Variants in SLC25A1 observed in about 807,000 individuals in gnomAD.
SLC25A1 encodes solute carrier family 25 member 1.
SLC25A1 carries 26 observed loss-of-function variants against 38.1 expected under a neutral mutation model. The observed-to-expected ratio is 0.68, with a 90% CI of 0.50 to 0.95. The LOEUF is 0.95. Ranked by LOEUF, SLC25A1 falls within the 40% of genes least tolerant of loss-of-function variation. The probability of loss-of-function intolerance (pLI) is 0.00; values close to 1 mark genes in which losing one functional copy is unlikely to be tolerated. For missense variants in SLC25A1, 378 were observed against 426.6 expected, an observed-to-expected ratio of 0.89 and a Z score of 1.00; for synonymous variants, 211 against 183.2, an observed-to-expected ratio of 1.15 and a Z score of -1.23.
rs2083991126 is a variant in SLC25A1, at chr22:19,177,881, G to A, written c.303-16C>T. ...CATTCCAAACCTGGAGGCGGGAGGCGGGTGAGAGGGGCTGCCGCGGCCGAG... is the reference window on the plus strand; with the variant it reads ...CATTCCAAACCTGGAGGCGGGAGGCAGGTGAGAGGGGCTGCCGCGGCCGAG... On this transcript the variant is annotated splice_polypyrimidine_tract_variant and intron_variant, in intron 3 of 8. Coordinates refer to ENST00000215882, the MANE Select transcript of SLC25A1 (RefSeq NM_005984.5). 3.8e-6 allele frequency: 6 copies of A among 1,593,030 alleles called. No individual in the cohort carries two copies. Among genetic ancestry groups the A allele is most frequent in the Non-Finnish European group, 5.1e-6 (6 of 1,171,136 alleles).
intron 8 of SLC25A1, 82 bp downstream of exon 8, chr22:19,176,339 C>A: frequency 6.4e-7 from 1 of 1,565,658 alleles, no homozygotes; most frequent in South Asian, 1.1e-5. Context: ...GCACAGAGGC[C>A]TGAAGGGGAC....
In SLC25A1 at chr22:19,176,093, C is replaced by T. The variant is rs45545531; in HGVS notation, c.*37G>A. 2.0e-5 allele frequency: 30 copies of T among 1,534,610 alleles called. No homozygotes were observed. Among genetic ancestry groups the T allele is most frequent in the African/African-American group, 4.1e-5 (3 of 73,460 alleles). ...AGACAAAGGTAGCAGGACACTCTGG[C>T]GGTGCCTGGGGCGGTCCCCTTGCGG... On this transcript the variant is annotated 3_prime_UTR_variant, in exon 9 of 9. Coordinates refer to ENST00000215882, the MANE Select transcript of SLC25A1 (RefSeq NM_005984.5).
rs2083951951 is a variant in SLC25A1 at position 19,175,917 on chromosome 22, A to G, written c.*213T>C. 1.3e-5 allele frequency: 2 copies of G among 150,088 alleles called. No homozygotes were observed. The highest frequency in any genetic ancestry group is 9.2e-5 in the South Asian group (1 of 10,892). 9.3% of individuals were successfully genotyped at this position (150,088 alleles called of 1,614,324 possible). ...TCATAGGCCAGATGCACATCCAGCC[A>G]TGGCTGGGCCAGACACTGGGACACA... On this transcript the variant is annotated 3_prime_UTR_variant, in exon 9 of 9. Transcript: ENST00000215882.
intron 4 of SLC25A1, 59 bp from the exon 5 acceptor site, chr22:19,177,263 G>A (rs2083975675): frequency 3.5e-6 from 5 of 1,428,326 alleles, no homozygotes; most frequent in Non-Finnish European, 4.9e-6. Context: ...GTCCTGGCTA[G>A]CTGGCAGGCC....
Position 19,176,259 on chromosome 22 carries a change from G to T in SLC25A1, c.822-15C>A, listed in dbSNP as rs375598499. The T allele has an allele frequency of 1.2e-6, 2 of 1,601,790 alleles. No homozygotes were observed. Among genetic ancestry groups the T allele is most frequent in the Admixed American group, 1.7e-5 (1 of 60,010 alleles). ...CCTTGTAGAATCTGGGTGGGAGGAG[G>T]GGCGGGGAGAGGAAGGCAGGTCAGC... On this transcript the variant is annotated splice_polypyrimidine_tract_variant and intron_variant, in intron 8 of 8. Coordinates refer to ENST00000215882, the MANE Select transcript of SLC25A1 (RefSeq NM_005984.5).
In SLC25A1 at chr22:19,177,196, G is replaced by A; in HGVS notation, c.450C>T (p.Phe150=). 6.2e-7 allele frequency: 1 copy of A among 1,613,848 alleles called. No homozygotes were observed. The highest frequency in any genetic ancestry group is 1.1e-5 in the South Asian group (1 of 91,078). Residue 150 remains phenylalanine (F), a synonymous_variant, in exon 5 of 9, where the codon TTC becomes TTT. Transcript: ENST00000215882. ...GGTTTGGGGAGGTCTGGTCGTGGAT[G>A]AACTTCACCTGAGAGAGAGAAGCAA... The part of the protein sequence containing the change: ...VCPMETIKVK[F]IHDQTSPNPK...
At position 19,176,207 on chromosome 22, in the gene SLC25A1, A is replaced by G; in HGVS notation, c.859T>C (p.Cys287Arg). 1 of 1,613,602 alleles carries G rather than the reference A, an allele frequency of 6.2e-7. No homozygotes were observed. Among genetic ancestry groups the G allele is most frequent in the Non-Finnish European group, 8.5e-7 (1 of 1,180,004 alleles). The change falls in exon 9 of 9, where the codon TGC (cysteine) becomes CGC (arginine). Residue 287 changes from cysteine (C) to arginine (R), a missense_variant. Cys to Arg is a radical substitution (Grantham distance 180). Coordinates refer to ENST00000215882, the MANE Select transcript of SLC25A1 (RefSeq NM_005984.5). Reference sequence around the variant, plus strand: ...ACAAACACTATGGCCACATCCAGGCAGACCCGGCCCAGGCGGGGGACAGTG... The same window carrying G: ...ACAAACACTATGGCCACATCCAGGCGGACCCGGCCCAGGCGGGGGACAGTG... Reference protein sequence around the residue: ...KGTVPRLGRVCLDVAIVFVIY... With the variant: ...KGTVPRLGRVRLDVAIVFVIY...
At chr22:19,176,295 T>C in intron 8 of SLC25A1, 51 bp from the exon 9 acceptor site, 2 of 1,563,528 alleles carry the variant, frequency 1.3e-6, no homozygotes, top group Admixed American at 3.3e-5. Context: ...ACAGTGTCCC[T>C]GCACAGGGCA....
chr22:19,178,662 G>C lies in SLC25A1; in HGVS notation c.12C>G (p.Pro4=), dbSNP rs1196675728. MPA[P]RAPRALAAAA... is the part of the protein sequence containing the mutation. ...CGGCCGCCAGAGCGCGCGGGGCGCGGGGCGCGGGCATGGCGGGCGGGAGGC... is the reference window on the plus strand; with the variant it reads ...CGGCCGCCAGAGCGCGCGGGGCGCGCGGCGCGGGCATGGCGGGCGGGAGGC... Residue 4 remains proline, a synonymous_variant, in exon 1 of 9, where the codon CCC becomes CCG. Coordinates refer to ENST00000215882, the MANE Select transcript of SLC25A1 (RefSeq NM_005984.5). The surrounding 1 kb of genome is among the most constrained non-coding windows in gnomAD (Gnocchi z 4.9). The C allele has an allele frequency of 6.0e-6, 7 of 1,160,752 alleles. No homozygotes were observed. In the African/African-American group the frequency reaches 9.7e-5, roughly 16 times the overall value. 71.9% of individuals were successfully genotyped at this position (1,160,752 alleles called of 1,614,324 possible).
rs1334824732 is a variant in SLC25A1 at position 19,178,269 on chromosome 22, A to G, written c.95-29T>C. 1.3e-6 allele frequency: 2 copies of G among 1,535,890 alleles called. No individual in the cohort carries two copies. Among genetic ancestry groups the G allele is most frequent in the African/African-American group, 1.4e-5 (1 of 70,438 alleles). ...CAGGGACCGGGAACCCGCTCCTGAGACTCCCGCCCGGCCGCTGGCGCTCGG... is the reference window on the plus strand; with the variant it reads ...CAGGGACCGGGAACCCGCTCCTGAGGCTCCCGCCCGGCCGCTGGCGCTCGG... On this transcript the variant is annotated intron_variant, in intron 1 of 8. Transcript: ENST00000215882. The surrounding 1 kb of genome is among the most constrained non-coding windows in gnomAD (Gnocchi z 4.9).
chr22:19,176,351 G>A (rs2083959264), intron 8 of SLC25A1, 70 bp downstream of exon 8: 1 of 1,569,176 alleles, frequency 6.4e-7, no homozygotes, highest in Admixed American at 1.7e-5. Flanking sequence ...GAAGGGGACA[G>A]AGTGGGCAGG....
At chr22:19,176,356 G>C (rs1340140523) in intron 8 of SLC25A1, 65 bp downstream of exon 8, 1 of 1,572,796 alleles carries the variant, frequency 6.4e-7, no homozygotes, top group African/African-American at 1.3e-5. Context: ...GGACAGAGTG[G>C]GCAGGCCAGG....
intron 4 of SLC25A1, 40 bp from the exon 5 acceptor site, chr22:19,177,244 C>T (rs1247109439): frequency 5.1e-6 from 8 of 1,564,388 alleles, no homozygotes; most frequent in Non-Finnish European, 7.0e-6. Flanking sequence ...TCGGCTGCCA[C>T]CTGGGTGGGT....
Position 19,178,099 on chromosome 22 carries a change from G to A in SLC25A1, c.202+34C>T, listed in dbSNP as rs1569131165. 2 of 1,531,932 alleles carry A rather than the reference G, an allele frequency of 1.3e-6. No individual in the cohort carries two copies. The highest frequency in any genetic ancestry group is 2.5e-5 in the East Asian group (1 of 39,846). The allele number at this position is 1,531,932 out of a possible 1,614,324, so 94.9% of individuals were successfully genotyped here. A position where few individuals can be genotyped will look rare whatever the true frequency, so the allele number is the denominator to read the frequency against. On this transcript the variant is annotated intron_variant, in intron 2 of 8. Transcript: ENST00000215882. This position sits in a 1 kb window ranked among gnomAD's most constrained non-coding sequence, Gnocchi z 4.9. ...CTCGGTGCCGCCGCCCTGGGTACCC[G>A]CCCCCCGCGGCGCCGCGGCCTCCCC...
In SLC25A1 at chr22:19,178,048, G is replaced by GA. The variant is rs1182777356; in HGVS notation, c.203-8dup. ...GTCTGCCGCACGCAGTCCCCTGGGGGAGGGGGCGGTCAGGACCCCACGGCC... is the reference window on the plus strand; with the variant it reads ...GTCTGCCGCACGCAGTCCCCTGGGGGAAGGGGGCGGTCAGGACCCCACGGCC... On this transcript the variant is annotated splice_polypyrimidine_tract_variant and splice_region_variant and intron_variant, in intron 2 of 8. Transcript: ENST00000215882. The surrounding 1 kb of genome is among the most constrained non-coding windows in gnomAD (Gnocchi z 4.9). 7.6e-6 allele frequency: 12 copies of GA among 1,580,418 alleles called. No individual in the cohort carries two copies. Among genetic ancestry groups the GA allele is most frequent in the Non-Finnish European group, 9.4e-6 (11 of 1,165,860 alleles).
At position 19,176,459 on chromosome 22, in the gene SLC25A1, GTCCC is replaced by G; in HGVS notation, c.779_782del (p.Trp260SerfsTer7). On this transcript the variant is annotated frameshift_variant, in exon 8 of 9. Transcript: ENST00000215882. LOFTEE classifies it high-confidence loss of function. ...CCTTCTTCAGGATCTGCAAGCCGCA[GTCCC>G]ACGTGTTCCGGTATTTGTGCGCCTC... 6.2e-7 allele frequency: 1 copy of G among 1,613,892 alleles called. No individual in the cohort carries two copies. Among genetic ancestry groups the G allele is most frequent in the South Asian group, 1.1e-5 (1 of 91,086 alleles).
chr22:19,176,455 C>CGCAGTCCCACGTGTTCCGGTATTTGT lies in SLC25A1; in HGVS notation c.761_786dup (p.Gly263ThrfsTer14). The CGCAGTCCCACGTGTTCCGGTATTTGT allele has an allele frequency of 6.2e-7, 1 of 1,613,880 alleles. No homozygotes were observed. Among genetic ancestry groups the CGCAGTCCCACGTGTTCCGGTATTTGT allele is most frequent in the Non-Finnish European group, 8.5e-7 (1 of 1,180,016 alleles). ...CCCTCCTTCTTCAGGATCTGCAAGC[C>CGCAGTCCCACGTGTTCCGGTATTTGT]GCAGTCCCACGTGTTCCGGTATTTG... is the stretch of plus-strand genomic sequence containing the variant. On this transcript the variant is annotated frameshift_variant, in exon 8 of 9. Coordinates refer to ENST00000215882, the MANE Select transcript of SLC25A1 (RefSeq NM_005984.5). LOFTEE classifies it high-confidence loss of function.
Position 19,177,743 on chromosome 22 carries a change from G to C in SLC25A1, c.425C>G (p.Pro142Arg), listed in dbSNP as rs1555922922. 6.2e-7 allele frequency: 1 copy of C among 1,608,382 alleles called. No individual in the cohort carries two copies. The highest frequency in any genetic ancestry group is 1.7e-5 in the Admixed American group (1 of 59,978). Reference sequence around the variant, plus strand: ...CTTCCCCACCTTGATGGTCTCCATGGGGCACACGACCACCACGGCCTCGGC... The same window carrying C: ...CTTCCCCACCTTGATGGTCTCCATGCGGCACACGACCACCACGGCCTCGGC... The part of the protein sequence containing the change: ...GVAEAVVVVC[P>R]METIKVKFIH... The change falls in exon 4 of 9, where the codon CCC becomes CGC. Residue 142 changes from proline (P) to arginine (R), a missense_variant. Coordinates refer to ENST00000215882, the MANE Select transcript of SLC25A1 (RefSeq NM_005984.5).
rs1467991834 is a variant in SLC25A1 at position 19,178,433 on chromosome 22, G to A, written c.94+147C>T. ...AGGGGGTGACAGACGGGAGGCGGGC[G>A]AGTCCCAGCGCGCCGGGTGGGGACC... On this transcript the variant is annotated intron_variant, in intron 1 of 8. Coordinates refer to ENST00000215882, the MANE Select transcript of SLC25A1 (RefSeq NM_005984.5). The surrounding 1 kb of genome is among the most constrained non-coding windows in gnomAD (Gnocchi z 4.9). 1 of 1,372,912 alleles carries A rather than the reference G, an allele frequency of 7.3e-7. No individual in the cohort carries two copies. Among genetic ancestry groups the A allele is most frequent in the Admixed American group, 3.7e-5 (1 of 27,186 alleles). 85.0% of individuals were successfully genotyped at this position (1,372,912 alleles called of 1,614,324 possible). A position where few individuals can be genotyped will look rare whatever the true frequency, so the allele number is the denominator to read the frequency against.
Sources: allele counts gnomAD v4.1 joint callset, GRCh38; gene constraint gnomAD v4.1.1; non-coding constraint Gnocchi (gnomAD v3.1); transcripts MANE v1.5; gene names NCBI Gene and HGNC (gene_info 2026-07-23, HGNC 2026-07-21).